The following DNAH17 variants were observed in gnomAD, a reference collection of about 807,000 sequenced individuals.
DNAH17 encodes dynein axonemal heavy chain 17, also known as axonemal beta dynein heavy chain 17.
A neutral mutation model predicts 485.6 loss-of-function variants in DNAH17; 376 were observed. The ratio of observed to expected loss-of-function variants is 0.77; its 90% CI spans 0.71 to 0.84. DNAH17 has a LOEUF of 0.84. DNAH17 is among the 40% of genes least tolerant of loss of function. DNAH17 has a pLI of 0.00. For missense variants in DNAH17, 6,370 were observed against 5,839.3 expected, an observed-to-expected ratio of 1.09 and a Z score of -2.96; for synonymous variants, 3,031 against 2,405.9, an observed-to-expected ratio of 1.26 and a Z score of -7.60.
At chr17:78,487,139 C>T (rs1299529332) in intron 44 of DNAH17, among the ~76,000 whole-genome samples, 3 of 152,106 alleles carry the variant, frequency 2.0e-5, no homozygotes, top group African/African-American at 4.8e-5. Flanking sequence ...GTGGAGGTGG[C>T]CCACCACGGC....
chr17:78,560,491 G>A (rs2092129491), intron 13 of DNAH17, among the ~76,000 whole-genome samples: 1 of 148,856 alleles, frequency 6.7e-6, no homozygotes, highest in African/African-American at 2.4e-5. Context: ...CCCCCCCCCA[G>A]TTTCAAATTG....
rs752006633 is a variant in DNAH17 at position 78,454,645 on chromosome 17, C to G, written c.10231G>C (p.Val3411Leu). ...PLSLLTDDAD[V>L]ATWNNQGLPS... Reference sequence around the variant, plus strand: ...AGGCCCTGGTTGTTCCAGGTGGCCACGTCCGCGTCATCTGTCAGCAGGCTC... The same window carrying G: ...AGGCCCTGGTTGTTCCAGGTGGCCAGGTCCGCGTCATCTGTCAGCAGGCTC... The change falls in exon 64 of 81, where the codon GTG becomes CTG. Residue 3411 changes from valine to leucine, a missense_variant. By Grantham distance (32) the Val-to-Leu change is conservative (BLOSUM62 1). Transcript: ENST00000389840. 26 of 1,613,048 alleles carry G rather than the reference C, an allele frequency of 1.6e-5. No homozygotes were observed. The South Asian group carries it at 2.6e-4, about 16-fold the overall frequency.
Position 78,537,356 on chromosome 17 carries a change from G to A in DNAH17, c.2802C>T (p.Asp934=), listed in dbSNP as rs2091406095. 1.9e-6 allele frequency: 3 copies of A among 1,608,320 alleles called. No homozygotes were observed. The highest frequency in any genetic ancestry group is 2.2e-5 in the East Asian group (1 of 44,690). Reference sequence around the variant, plus strand: ...GGATGAGCCTGGCTACGTTGTAGATGTCGTTGACCAGGCCCTCGATCAGTG... The same window carrying A: ...GGATGAGCCTGGCTACGTTGTAGATATCGTTGACCAGGCCCTCGATCAGTG... ...FLALIEGLVN[D]IYNVARLIPR... is the part of the protein sequence containing the mutation. Residue 934 remains aspartate, a synonymous_variant, in exon 19 of 81, where the codon GAC becomes GAT. Transcript: ENST00000389840.
In DNAH17 at chr17:78,444,776, A is replaced by C; in HGVS notation, c.11356T>G (p.Phe3786Val). 6.4e-7 allele frequency: 1 copy of C among 1,573,404 alleles called. No individual in the cohort carries two copies. Among genetic ancestry groups the C allele is most frequent in the South Asian group, 1.2e-5 (1 of 86,526 alleles). The change falls in exon 71 of 81, where the codon TTC (phenylalanine) becomes GTC (valine). Residue 3786 changes from phenylalanine (F) to valine (V), a missense_variant. By Grantham distance (50) the Phe-to-Val change is conservative. Coordinates refer to ENST00000389840, the MANE Select transcript of DNAH17 (RefSeq NM_173628.4). ...GIKALSEMDEFKNLDSDIEGS... is the reference protein window; with the variant it reads ...GIKALSEMDEVKNLDSDIEGS... ...TCGATGTCACTGTCCAGATTTTTGA[A>C]CTCATCCATCTCCGAGAGGGCCTAG...
At chr17:78,443,706 C>G (rs566778906) in intron 71 of DNAH17, among the ~76,000 whole-genome samples, 1 of 152,186 alleles carries the variant, frequency 6.6e-6, no homozygotes, top group African/African-American at 2.4e-5. Context: ...CCCGCCACCG[C>G]GCCCTGCTAA....
At chr17:78,474,214 C>A (rs571145622) in intron 54 of DNAH17, among the ~76,000 whole-genome samples, 1 of 152,234 alleles carries the variant, frequency 6.6e-6, no homozygotes, top group African/African-American at 2.4e-5. Context: ...CCACGTACTG[C>A]GGGAGGGTCC....
At chr17:78,465,970 C>T (rs1053128766) in intron 56 of DNAH17, among the ~76,000 whole-genome samples, 28 of 152,098 alleles carry the variant, frequency 1.8e-4, no homozygotes, top group Non-Finnish European at 3.4e-4. Context: ...ATGACAGTGG[C>T]GGCTTTGTGG....
intron 23 of DNAH17, 50 bp downstream of exon 23, chr17:78,526,830 G>A (rs1304147267): frequency 6.4e-6 from 10 of 1,556,640 alleles, no homozygotes; most frequent in Non-Finnish European, 8.7e-6. Flanking sequence ...CCCTGGGTGA[G>A]CCCCACGCTG....
At chr17:78,574,295 A>T (rs2092402641) in intron 2 of DNAH17, among the ~76,000 whole-genome samples, 1 of 152,172 alleles carries the variant, frequency 6.6e-6, no homozygotes, top group African/African-American at 2.4e-5. Flanking sequence ...TCTTGAGACC[A>T]GCCTGGGCAA....
At chr17:78,432,452 A>G (rs970652851) in intron 75 of DNAH17, among the ~76,000 whole-genome samples, 7 of 152,144 alleles carry the variant, frequency 4.6e-5, no homozygotes, top group Non-Finnish European at 8.8e-5. Context: ...ATTGCCAGGG[A>G]GCACAGGGAG....
intron 33 of DNAH17, chr17:78,502,140 GA>G: frequency 2.0e-6 from 1 of 496,094 alleles, no homozygotes; most frequent in South Asian, 2.5e-5. Flanking sequence ...AAAAACAGCT[GA>G]CTTTAACGCC....
Position 78,439,268 on chromosome 17 carries a change from G to C in DNAH17, c.11678-51C>G. 2.6e-6 allele frequency: 4 copies of C among 1,553,568 alleles called. No individual in the cohort carries two copies. The South Asian group carries it at 3.6e-5, about 14-fold the overall frequency. On this transcript the variant is annotated intron_variant, in intron 72 of 80. Coordinates refer to ENST00000389840, the MANE Select transcript of DNAH17 (RefSeq NM_173628.4). Reference sequence around the variant, plus strand: ...AACACCACGTAATTAAATGACACAGGTTCAGGCTCTGTGATCTACAGCCAG... The same window carrying C: ...AACACCACGTAATTAAATGACACAGCTTCAGGCTCTGTGATCTACAGCCAG...
At chr17:78,458,458 G>C in intron 62 of DNAH17, 107 bp downstream of exon 62, 1 of 918,154 alleles carries the variant, frequency 1.1e-6, no homozygotes, top group Non-Finnish European at 1.7e-6. Flanking sequence ...TGGCAACCTG[G>C]CTGCTTCCAC....
Position 78,460,005 on chromosome 17 carries a change from C to T in DNAH17, c.9436-4G>A, listed in dbSNP as rs770783045. ...ACTTCAGCTCTGTCAGGTTGTTCTGCAAATGACAGACGGGATGGGTCCGAT... is the reference window on the plus strand; with the variant it reads ...ACTTCAGCTCTGTCAGGTTGTTCTGTAAATGACAGACGGGATGGGTCCGAT... On this transcript the variant is annotated splice_polypyrimidine_tract_variant and splice_region_variant and intron_variant, in intron 59 of 80. Coordinates refer to ENST00000389840, the MANE Select transcript of DNAH17 (RefSeq NM_173628.4). 1.2e-6 allele frequency: 2 copies of T among 1,612,410 alleles called. No homozygotes were observed. The highest frequency in any genetic ancestry group is 1.7e-6 in the Non-Finnish European group (2 of 1,179,874).
chr17:78,448,591 A>G (rs1432514571), intron 69 of DNAH17, among the ~76,000 whole-genome samples: 1 of 152,226 alleles, frequency 6.6e-6, no homozygotes, highest in Admixed American at 6.5e-5. Flanking sequence ...CACAGTGTAA[A>G]GGAAATTGCA....
At chr17:78,563,336 G>A (rs140689638) in intron 11 of DNAH17, among the ~76,000 whole-genome samples, 18 of 152,172 alleles carry the variant, frequency 1.2e-4, no homozygotes, top group Non-Finnish European at 1.9e-4. Flanking sequence ...CTTCCTCCAC[G>A]GTCGCCTGCT....
In DNAH17 at chr17:78,455,678, T is replaced by C; in HGVS notation, c.10136A>G (p.Glu3379Gly). ...ATGTATGTAAGGGATCCAGAATTTC[T>C]CCATCAGCTCATTCCGGTATTTCTT... ...FTKKYRNELM[E>G]KFWIPYIHNL... is the part of the protein sequence containing the mutation. Residue 3379 changes from glutamate to glycine, a missense_variant, in exon 63 of 81, where the codon GAG becomes GGG. Glu to Gly is a moderately conservative substitution (Grantham distance 98). Coordinates refer to ENST00000389840, the MANE Select transcript of DNAH17 (RefSeq NM_173628.4). The C allele has an allele frequency of 6.4e-7, 1 of 1,568,396 alleles. No individual in the cohort carries two copies. The highest frequency in any genetic ancestry group is 8.6e-7 in the Non-Finnish European group (1 of 1,156,914).
chr17:78,454,652 G>A lies in DNAH17; in HGVS notation c.10224C>T (p.Asp3408=), dbSNP rs1341222838. ...GGTTGTTCCAGGTGGCCACGTCCGC[G>A]TCATCTGTCAGCAGGCTCAAGGGAT... ...GLDPLSLLTD[D]ADVATWNNQG... is the part of the protein sequence containing the mutation. Residue 3408 remains aspartate, a synonymous_variant, in exon 64 of 81, where the codon GAC becomes GAT. Coordinates refer to ENST00000389840, the MANE Select transcript of DNAH17 (RefSeq NM_173628.4). 42 of 1,612,964 alleles carry A rather than the reference G, an allele frequency of 2.6e-5. No homozygotes were observed. The highest frequency in any genetic ancestry group is 6.7e-5 in the Admixed American group (4 of 59,990).
At chr17:78,558,487 G>C (rs1056779764) in intron 13 of DNAH17, among the ~76,000 whole-genome samples, 1 of 147,860 alleles carries the variant, frequency 6.8e-6, no homozygotes, top group African/African-American at 2.6e-5. Context: ...ACCCTCATGG[G>C]TGGATGACAT....
Sources: allele counts gnomAD v4.1 joint callset (sites outside exome capture counted in the v4.1 genomes callset), GRCh38; gene constraint gnomAD v4.1.1; transcripts MANE v1.5; gene names NCBI Gene and HGNC (gene_info 2026-07-23, HGNC 2026-07-21).